DCC: variants seen among roughly 807,000 people sequenced by gnomAD.
DCC encodes the protein netrin receptor DCC.
A neutral mutation model predicts 172.5 loss-of-function variants in DCC; 58 were observed. That is an observed-to-expected ratio of 0.34 (90% CI 0.27 to 0.42). The LOEUF (loss-of-function observed/expected upper bound fraction) is 0.42. DCC is among the 10% of genes least tolerant of loss of function. The probability of loss-of-function intolerance (pLI) is 1.00; values close to 1 mark genes in which losing one functional copy is unlikely to be tolerated. For synonymous variants in DCC, 709 were observed against 644.5 expected (o/e 1.10, Z -1.52); for missense variants, 1,740 against 1,791.0 (o/e 0.97, Z 0.51).
intron 1 of DCC, among the ~76,000 whole-genome samples, chr18:52,551,749 C>CACACACAT (rs2144723800): frequency 6.8e-6 from 1 of 147,348 alleles, no homozygotes; most frequent in South Asian, 2.2e-4. Context: ...CACACACACA[C>CACACACAT]ACACACACAC....
intron 21 of DCC, among the ~76,000 whole-genome samples, chr18:53,417,798 G>GT (rs1214089772): frequency 4.6e-5 from 7 of 152,004 alleles, no homozygotes; most frequent in African/African-American, 1.7e-4. Context: ...CTATTATATT[G>GT]TTTTTTCTTT....
intron 1 of DCC, among the ~76,000 whole-genome samples, chr18:52,475,367 T>G (rs574315589): frequency 6.6e-6 from 1 of 152,094 alleles, no homozygotes; most frequent in Non-Finnish European, 1.5e-5. Context: ...ATGTGTACAA[T>G]GTGGATAATA....
intron 2 of DCC, among the ~76,000 whole-genome samples, chr18:52,800,197 G>C (rs1460827053): frequency 6.6e-6 from 1 of 152,140 alleles, no homozygotes; most frequent in Non-Finnish European, 1.5e-5. Context: ...AGTACCTTCA[G>C]CAAAATCTGT....
intron 1 of DCC, among the ~76,000 whole-genome samples, chr18:52,467,830 G>T (rs991259708): frequency 4.6e-5 from 7 of 152,168 alleles, no homozygotes; most frequent in Admixed American, 4.6e-4. Context: ...ATGTTTGTTG[G>T]CCGCATAAAT....
intron 7 of DCC, among the ~76,000 whole-genome samples, chr18:53,130,598 TAG>T (rs1395282445): frequency 4.6e-5 from 7 of 152,096 alleles, no homozygotes; most frequent in Admixed American, 3.9e-4. Flanking sequence ...GAGATGGGAA[TAG>T]AGAGAGCAGG....
chr18:52,456,767 G>A (rs1328221811), intron 1 of DCC, among the ~76,000 whole-genome samples: 3 of 152,072 alleles, frequency 2.0e-5, no homozygotes, highest in Non-Finnish European at 4.4e-5. Context: ...TATCTGGTCT[G>A]ACTCCTTATT....
At chr18:52,794,898 G>C (rs539553109) in intron 2 of DCC, among the ~76,000 whole-genome samples, 1 of 151,894 alleles carries the variant, frequency 6.6e-6, no homozygotes, top group Non-Finnish European at 1.5e-5. Flanking sequence ...TATGATTTTT[G>C]TCCCTCTTCT....
At chr18:53,503,159 A>G (rs1485381332) in intron 27 of DCC, among the ~76,000 whole-genome samples, 1 of 152,162 alleles carries the variant, frequency 6.6e-6, no homozygotes, top group Non-Finnish European at 1.5e-5. Context: ...ACATGGGTCT[A>G]GGGCAAAACA....
intron 5 of DCC, among the ~76,000 whole-genome samples, chr18:52,951,350 T>G (rs2040643487): frequency 1.3e-5 from 2 of 152,094 alleles, no homozygotes. Context: ...TGTGCCACGG[T>G]GGTTTGCTGC....
At chr18:53,171,136 C>T (rs567131594) in intron 8 of DCC, among the ~76,000 whole-genome samples, 8 of 152,248 alleles carry the variant, frequency 5.3e-5, no homozygotes, top group Admixed American at 1.3e-4. Flanking sequence ...CTGCCTGCCT[C>T]GGCCTCCCAA....
At chr18:52,839,650 G>C (rs2038770607) in intron 2 of DCC, among the ~76,000 whole-genome samples, 1 of 152,080 alleles carries the variant, frequency 6.6e-6, no homozygotes, top group South Asian at 2.1e-4. Context: ...AACAGGTTAT[G>C]ATTGCTTAGA....
intron 1 of DCC, among the ~76,000 whole-genome samples, chr18:52,672,742 TG>T (rs1247909142): frequency 2.0e-5 from 3 of 151,814 alleles, no homozygotes; most frequent in Admixed American, 2.0e-4. Context: ...TTACCTTTTT[TG>T]TCCACCTTTG....
intron 14 of DCC, among the ~76,000 whole-genome samples, chr18:53,334,925 G>A (rs1170415382): frequency 1.3e-5 from 2 of 152,110 alleles, no homozygotes; most frequent in Admixed American, 6.6e-5. Flanking sequence ...TTGAGTCCCT[G>A]CTTTCAATTC....
intron 24 of DCC, among the ~76,000 whole-genome samples, chr18:53,466,542 T>G (rs528742376): frequency 6.6e-6 from 1 of 152,364 alleles, no homozygotes; most frequent in African/African-American, 2.4e-5. Flanking sequence ...CTTTTATTTT[T>G]TGAGACTGAG....
At chr18:53,377,028 T>C (rs960865399) in intron 15 of DCC, among the ~76,000 whole-genome samples, 1 of 152,310 alleles carries the variant, frequency 6.6e-6, no homozygotes, top group Non-Finnish European at 1.5e-5. Flanking sequence ...GACTGCCTAG[T>C]TCTGAGGAAT....
chr18:52,699,692 G>A (rs2036075149), intron 1 of DCC, among the ~76,000 whole-genome samples: 1 of 152,154 alleles, frequency 6.6e-6, no homozygotes, highest in South Asian at 2.1e-4. Flanking sequence ...GTTTAAGGCA[G>A]CAGAAAAGTT....
intron 7 of DCC, among the ~76,000 whole-genome samples, chr18:53,104,243 C>T (rs1178420710): frequency 6.6e-6 from 1 of 151,980 alleles, no homozygotes; most frequent in Non-Finnish European, 1.5e-5. Flanking sequence ...TATGGTTTGG[C>T]TCTGCGTCCC....
intron 5 of DCC, among the ~76,000 whole-genome samples, chr18:53,046,865 G>C (rs1352543222): frequency 6.6e-6 from 1 of 151,808 alleles, no homozygotes; most frequent in South Asian, 2.1e-4. Context: ...TTACTCTAAA[G>C]AGTCCGTGAC....
At chr18:52,597,098 ATTCT>A (rs1372289361) in intron 1 of DCC, among the ~76,000 whole-genome samples, 2 of 142,558 alleles carry the variant, frequency 1.4e-5, no homozygotes, top group Admixed American at 6.9e-5. Flanking sequence ...ACTCGGTGAA[ATTCT>A]TTCTATTTTT....
Sources: gnomAD v4.1 joint callset for allele counts (sites outside exome capture counted in the v4.1 genomes callset) on GRCh38, gnomAD v4.1.1 for gene constraint, MANE v1.5 for transcripts, NCBI Gene and HGNC (gene_info 2026-07-23, HGNC 2026-07-21) for gene names.